The following MMP16 variants were observed in gnomAD, a reference collection of about 807,000 sequenced individuals.
MMP16 encodes the protein matrix metallopeptidase 16.
Under a neutral mutation model 67.8 loss-of-function variants are expected in MMP16, and 12 were observed. The observed-to-expected ratio is 0.18, with a 90% CI of 0.11 to 0.29. The LOEUF is 0.29. MMP16 is among the 10% of genes least tolerant of loss of function. The pLI is 1.00. For missense variants in MMP16, 475 were observed against 765.7 expected (o/e 0.62, Z 4.48); for synonymous variants, 249 against 255.9 (o/e 0.97, Z 0.26).
chr8:88,035,145 GT>G lies in MMP16; in HGVS notation c.*6315del, dbSNP rs1808037843. 1 of 151,862 alleles carries G rather than the reference GT, an allele frequency of 6.6e-6. No individual in the cohort carries two copies. The highest frequency in any genetic ancestry group is 1.5e-5 in the Non-Finnish European group (1 of 67,902). The allele number at this position is 151,862 out of a possible 1,614,324, so 9.4% of individuals were successfully genotyped here. On this transcript the variant is annotated 3_prime_UTR_variant, in exon 10 of 10. Coordinates refer to ENST00000286614, the MANE Select transcript of MMP16 (RefSeq NM_005941.5). This position sits in a 1 kb window ranked among gnomAD's most constrained non-coding sequence, Gnocchi z 4.7. The stretch of plus-strand genomic sequence containing the variant: ...TCTTGTTCACCATTCTTTTCTTCCA[GT>G]TTTTCTCTGTGAAATAAAGGTTAAT...
At chr8:88,212,122 C>T (rs575627128) in intron 1 of MMP16, among the ~76,000 whole-genome samples, 1 of 152,214 alleles carries the variant, frequency 6.6e-6, no homozygotes, top group South Asian at 2.1e-4. Flanking sequence ...CTGTGTTTCT[C>T]TTGCCTCTGA....
chr8:88,193,609 T>G (rs1209640787), intron 2 of MMP16, among the ~76,000 whole-genome samples: 1 of 152,068 alleles, frequency 6.6e-6, no homozygotes, highest in Non-Finnish European at 1.5e-5. Flanking sequence ...TTAACACAAA[T>G]AAATGGCAAA....
chr8:88,260,428 T>C (rs953880028), intron 1 of MMP16, among the ~76,000 whole-genome samples: 2 of 152,178 alleles, frequency 1.3e-5, no homozygotes, highest in Non-Finnish European at 2.9e-5. Flanking sequence ...GTTTATTTTT[T>C]TTCGGATTTC....
intron 4 of MMP16, among the ~76,000 whole-genome samples, chr8:88,122,082 GTTC>G (rs1807849788): frequency 6.6e-6 from 1 of 151,980 alleles, no homozygotes; most frequent in African/African-American, 2.4e-5. Context: ...ACTACCCGGA[GTTC>G]TGAATTTCTC....
At chr8:88,055,381 T>A (rs1808318575) in intron 8 of MMP16, among the ~76,000 whole-genome samples, 1 of 152,136 alleles carries the variant, frequency 6.6e-6, no homozygotes, top group Non-Finnish European at 1.5e-5. Flanking sequence ...CTAATTTTTA[T>A]ATTTTTAGTA....
In MMP16 at chr8:88,119,682, T is replaced by A. The variant is rs28907631; in HGVS notation, c.710-821A>T. Among the ~76,000 whole-genome samples the A allele has an allele frequency of 8.2e-3, 1,250 of 152,180 alleles. 10 individuals carry two copies. The highest frequency in any genetic ancestry group is 0.027 in the African/African-American group (1,135 of 41,552). ...CATTTTGTTCAGTCCTGGATCATCA[T>A]AACCATATGCATTATGGGAGAAAAA... On this transcript the variant is annotated intron_variant, in intron 4 of 9. Transcript: ENST00000286614.
At chr8:88,157,837 A>G (rs1808538932) in intron 4 of MMP16, among the ~76,000 whole-genome samples, 1 of 140,454 alleles carries the variant, frequency 7.1e-6, no homozygotes, top group Admixed American at 7.6e-5. Flanking sequence ...CCACCCCATG[A>G]CAGGCCCTGA....
At chr8:88,316,292 T>A (rs931993594) in intron 1 of MMP16, among the ~76,000 whole-genome samples, 4 of 152,120 alleles carry the variant, frequency 2.6e-5, no homozygotes, top group African/African-American at 9.7e-5. Flanking sequence ...CAGCCTTATA[T>A]TGGAAGAAGA....
At chr8:88,062,106 T>G (rs1903835) in intron 7 of MMP16, among the ~76,000 whole-genome samples, 1 of 152,126 alleles carries the variant, frequency 6.6e-6, no homozygotes, top group South Asian at 2.1e-4. Context: ...AGTGATAACA[T>G]TTAATTTTCT....
chr8:88,298,921 C>A (rs891959903), intron 1 of MMP16, among the ~76,000 whole-genome samples: 2 of 151,778 alleles, frequency 1.3e-5, no homozygotes, highest in African/African-American at 2.4e-5. Flanking sequence ...AGTTTTTAAT[C>A]ATTAAAAAAA....
intron 6 of MMP16, among the ~76,000 whole-genome samples, chr8:88,112,195 T>A (rs969940079): frequency 2.0e-5 from 3 of 151,642 alleles, no homozygotes; most frequent in Non-Finnish European, 3.0e-5. Flanking sequence ...TCCTTTTTTT[T>A]TTTTTTTGAC....
intron 1 of MMP16, among the ~76,000 whole-genome samples, chr8:88,215,954 A>G (rs1303128948): frequency 1.3e-5 from 2 of 152,206 alleles, no homozygotes; most frequent in Non-Finnish European, 2.9e-5. Context: ...TAGAAAAACC[A>G]TCAGATAATG....
At chr8:88,054,402 G>T (rs551610745) in intron 8 of MMP16, among the ~76,000 whole-genome samples, 1 of 152,266 alleles carries the variant, frequency 6.6e-6, no homozygotes, top group South Asian at 2.1e-4. Context: ...CCATTTTAAA[G>T]AATATGTTAT....
At chr8:88,132,967 C>T (rs1384585065) in intron 4 of MMP16, among the ~76,000 whole-genome samples, 1 of 151,838 alleles carries the variant, frequency 6.6e-6, no homozygotes, top group Non-Finnish European at 1.5e-5. Context: ...AACTGATACT[C>T]AGGAATGTTA....
At chr8:88,171,308 C>T (rs1808799251) in intron 3 of MMP16, among the ~76,000 whole-genome samples, 1 of 152,098 alleles carries the variant, frequency 6.6e-6, no homozygotes, top group African/African-American at 2.4e-5. Flanking sequence ...ACCTCCATAA[C>T]AAACCTGCAC....
intron 3 of MMP16, among the ~76,000 whole-genome samples, chr8:88,180,328 A>G (rs1246227996): frequency 7.0e-6 from 1 of 143,180 alleles, no homozygotes; most frequent in Non-Finnish European, 1.5e-5. Context: ...AACAGCACAG[A>G]GTAAAAAAAA....
In MMP16 at chr8:88,040,256, TTC is replaced by T. The variant is rs931597681; in HGVS notation, c.*1203_*1204del. ...GAAAAATTTTGGCAAGTAACATCAT[TTC>T]TGTTTGTTATAAACACATTTATGTA... is the stretch of plus-strand genomic sequence containing the variant. On this transcript the variant is annotated 3_prime_UTR_variant, in exon 10 of 10. Transcript: ENST00000286614. 2 of 152,644 alleles carry T rather than the reference TTC, an allele frequency of 1.3e-5. No homozygotes were observed. Among genetic ancestry groups the T allele is most frequent in the African/African-American group, 2.4e-5 (1 of 41,460 alleles). 9.5% of individuals were successfully genotyped at this position (152,644 alleles called of 1,614,324 possible). A position where few individuals can be genotyped will look rare whatever the true frequency, so the allele number is the denominator to read the frequency against.
chr8:88,208,936 A>T (rs1809471759), intron 1 of MMP16, among the ~76,000 whole-genome samples: 1 of 152,158 alleles, frequency 6.6e-6, no homozygotes, highest in South Asian at 2.1e-4. Flanking sequence ...AATTAACAGA[A>T]AATGACTTAA....
intron 8 of MMP16, among the ~76,000 whole-genome samples, chr8:88,052,043 T>C (rs897521242): frequency 6.6e-6 from 1 of 152,202 alleles, no homozygotes; most frequent in African/African-American, 2.4e-5. Context: ...CTACTCTCTT[T>C]AGCTATCTCT....
Sources: allele counts gnomAD v4.1 joint callset (sites outside exome capture counted in the v4.1 genomes callset), GRCh38; gene constraint gnomAD v4.1.1; non-coding constraint Gnocchi (gnomAD v3.1); transcripts MANE v1.5; gene names NCBI Gene and HGNC (gene_info 2026-07-23, HGNC 2026-07-21).